Variants in CREBRF observed in about 807,000 individuals in gnomAD.
CREBRF encodes the protein CREB3 regulatory factor.
A neutral mutation model predicts 66.1 loss-of-function variants in CREBRF; 5 were observed. The ratio of observed to expected loss-of-function variants is 0.08; its 90% CI spans 0.04 to 0.16. CREBRF has a LOEUF of 0.16. CREBRF is among the 10% of genes least tolerant of loss of function. CREBRF has a pLI of 1.00. For synonymous variants in CREBRF, 229 were observed against 264.4 expected (o/e 0.87, Z 1.30); for missense variants, 531 against 744.9 (o/e 0.71, Z 3.34).
At chr5:173,065,653 CTTT>C (rs1757413974) in intron 1 of CREBRF, among the ~76,000 whole-genome samples, 1 of 103,222 alleles carries the variant, frequency 9.7e-6, no homozygotes, top group Non-Finnish European at 2.0e-5. Context: ...TTTTCTTTTC[CTTT>C]TTCTTCTTCT....
chr5:173,087,594 G>A (rs1758198411), intron 3 of CREBRF, among the ~76,000 whole-genome samples: 1 of 151,712 alleles, frequency 6.6e-6, no homozygotes, highest in African/African-American at 2.4e-5. Flanking sequence ...TACTCGGGAG[G>A]CTGAGGCAGG....
chr5:173,057,930 T>C (rs1335731242), intron 1 of CREBRF, among the ~76,000 whole-genome samples: 2 of 151,986 alleles, frequency 1.3e-5, no homozygotes, highest in African/African-American at 4.8e-5. Context: ...ATTAATCAGC[T>C]TCTTGAGAAA....
At position 173,080,644 on chromosome 5, in the gene CREBRF, C is replaced by T. The variant is rs999138844; in HGVS notation, c.-132C>T. 3.8e-6 allele frequency: 3 copies of T among 788,078 alleles called. No individual in the cohort carries two copies. The highest frequency in any genetic ancestry group is 6.3e-6 in the Non-Finnish European group (3 of 473,802). The allele number at this position is 788,078 out of a possible 1,614,324, so 48.8% of individuals were successfully genotyped here. A position where few individuals can be genotyped will look rare whatever the true frequency, so the allele number is the denominator to read the frequency against. ...GTGATCCAAGCAATTGAATTGGAAG[C>T]ACTCTGGGGAAACCTGCTGTTTATT... On this transcript the variant is annotated 5_prime_UTR_variant, in exon 2 of 9. Coordinates refer to ENST00000296953, the MANE Select transcript of CREBRF (RefSeq NM_153607.3).
Position 173,080,750 on chromosome 5 carries a change from C to T in CREBRF, c.-26C>T, listed in dbSNP as rs374037232. On this transcript the variant is annotated 5_prime_UTR_variant, in exon 2 of 9. Coordinates refer to ENST00000296953, the MANE Select transcript of CREBRF (RefSeq NM_153607.3). ...ACAAGAAAAAAAAGAAGTTTGGAAT[C>T]GGATTCACAGGATCTGGGCTTGGAA... 1.9e-4 allele frequency: 303 copies of T among 1,610,894 alleles called. 1 individual carries two copies. The highest frequency in any genetic ancestry group is 1.3e-3 in the Middle Eastern group (8 of 6,060).
chr5:173,111,036 T>C (rs1758857823), intron 6 of CREBRF, among the ~76,000 whole-genome samples: 1 of 152,200 alleles, frequency 6.6e-6, no homozygotes, highest in African/African-American at 2.4e-5. Flanking sequence ...TACCTTTTAA[T>C]GTATACTTTT....
intron 1 of CREBRF, among the ~76,000 whole-genome samples, chr5:173,071,211 A>G (rs916791965): frequency 6.6e-6 from 1 of 151,966 alleles, no homozygotes; most frequent in African/African-American, 2.4e-5. Context: ...GTGTATGAGT[A>G]TTTTTGTTTG....
At chr5:173,056,616 G>A in intron 1 of CREBRF, 137 bp downstream of exon 1, 2 of 388,372 alleles carry the variant, frequency 5.1e-6, no homozygotes, top group Middle Eastern at 6.5e-4. Context: ...GCGGGGGCCG[G>A]GACCACGGCC....
At chr5:173,067,393 A>C (rs1021261884) in intron 1 of CREBRF, among the ~76,000 whole-genome samples, 2 of 152,152 alleles carry the variant, frequency 1.3e-5, no homozygotes, top group Non-Finnish European at 2.9e-5. Context: ...TTAGATTCAT[A>C]ATCTGTAAAA....
At chr5:173,107,310 C>T (rs1030052676) in intron 4 of CREBRF, among the ~76,000 whole-genome samples, 8 of 152,150 alleles carry the variant, frequency 5.3e-5, no homozygotes, top group African/African-American at 1.2e-4. Context: ...GTACATTCTT[C>T]GCACAGCCCA....
intron 4 of CREBRF, among the ~76,000 whole-genome samples, chr5:173,107,724 C>T (rs1758780545): frequency 6.6e-6 from 1 of 152,076 alleles, no homozygotes; most frequent in South Asian, 2.1e-4. Flanking sequence ...CCTGTAATCC[C>T]AGCACTTTCA....
At chr5:173,103,092 T>C (rs767397013) in intron 4 of CREBRF, among the ~76,000 whole-genome samples, 8 of 152,234 alleles carry the variant, frequency 5.3e-5, no homozygotes, top group Admixed American at 1.3e-4. Context: ...CCTTGACCCT[T>C]GTAGGAGAAG....
At chr5:173,126,391 T>C (rs1265423050) in intron 8 of CREBRF, among the ~76,000 whole-genome samples, 1 of 152,246 alleles carries the variant, frequency 6.6e-6, no homozygotes, top group East Asian at 1.9e-4. Context: ...TCTGCCCGCC[T>C]TGGCCTCCCA....
Position 173,137,580 on chromosome 5 carries a change from G to A in CREBRF, c.*3835G>A, listed in dbSNP as rs1164878406. ...ATTTCATTTTTCCAGGATTTTTTAGGAGAAGAGTACCCATTTTGTTTTATA... is the reference window on the plus strand; with the variant it reads ...ATTTCATTTTTCCAGGATTTTTTAGAAGAAGAGTACCCATTTTGTTTTATA... On this transcript the variant is annotated 3_prime_UTR_variant, in exon 9 of 9. Transcript: ENST00000296953. The A allele has an allele frequency of 6.6e-6, 1 of 151,878 alleles. No individual in the cohort carries two copies. Among genetic ancestry groups the A allele is most frequent in the Non-Finnish European group, 1.5e-5 (1 of 67,912 alleles). 9.4% of individuals were successfully genotyped at this position (151,878 alleles called of 1,614,324 possible). A position where few individuals can be genotyped will look rare whatever the true frequency, so the allele number is the denominator to read the frequency against.
intron 2 of CREBRF, among the ~76,000 whole-genome samples, chr5:173,082,439 A>G (rs1757982689): frequency 6.6e-6 from 1 of 152,162 alleles, no homozygotes; most frequent in Admixed American, 6.5e-5. Flanking sequence ...AGATAAGAGA[A>G]AGAAAAAAAA....
chr5:173,130,672 C>T (rs530797921), intron 8 of CREBRF, among the ~76,000 whole-genome samples: 135 of 151,976 alleles, frequency 8.9e-4, no homozygotes, highest in Non-Finnish European at 1.4e-3. Flanking sequence ...TACAGATGTG[C>T]GCCACCATGT....
intron 4 of CREBRF, among the ~76,000 whole-genome samples, chr5:173,094,287 T>C (rs561110642): frequency 3.3e-5 from 5 of 152,334 alleles, no homozygotes; most frequent in Admixed American, 6.5e-5. Context: ...TTTATTTATT[T>C]TGGCTGTATC....
At chr5:173,108,246 A>G (rs1276972547) in intron 4 of CREBRF, among the ~76,000 whole-genome samples, 1 of 152,182 alleles carries the variant, frequency 6.6e-6, no homozygotes, top group Non-Finnish European at 1.5e-5. Context: ...AGACATTTAA[A>G]AATCATAGTT....
chr5:173,129,752 A>C (rs1759369144), intron 8 of CREBRF, among the ~76,000 whole-genome samples: 1 of 151,826 alleles, frequency 6.6e-6, no homozygotes, highest in South Asian at 2.1e-4. Flanking sequence ...ACACACACAA[A>C]ACATTTTAGT....
chr5:173,088,550 A>G (rs917948201), intron 3 of CREBRF, among the ~76,000 whole-genome samples: 1 of 151,840 alleles, frequency 6.6e-6, no homozygotes, highest in Non-Finnish European at 1.5e-5. Flanking sequence ...AATATCTTCA[A>G]ATCTAGTTTT....
Sources: allele counts gnomAD v4.1 joint callset (sites outside exome capture counted in the v4.1 genomes callset), GRCh38; gene constraint gnomAD v4.1.1; transcripts MANE v1.5; gene names NCBI Gene and HGNC (gene_info 2026-07-23, HGNC 2026-07-21).